Variants in TTC23 observed in about 807,000 individuals in gnomAD.
The protein encoded by TTC23 is tetratricopeptide repeat domain 23, also known as tetratricopeptide repeat protein 23.
Under a neutral mutation model 55.1 loss-of-function variants are expected in TTC23, and 58 were observed. That is an observed-to-expected ratio of 1.05 (90% CI 0.85 to 1.31). The LOEUF (loss-of-function observed/expected upper bound fraction) is 1.31, where lower values mean the gene tolerates loss of function less well. Ranked by LOEUF, TTC23 falls within the 50% of genes most tolerant of loss-of-function variation. TTC23 has a pLI of 0.00. For synonymous variants in TTC23, 203 were observed against 199.9 expected (o/e 1.02, Z -0.13); for missense variants, 516 against 534.4 (o/e 0.97, Z 0.34).
At chr15:99,157,393 G>T (rs559977668) in intron 11 of TTC23, 1 of 151,954 alleles carries the variant, frequency 6.6e-6, no homozygotes, top group East Asian at 1.9e-4. Flanking sequence ...TGTATTTTTA[G>T]TAGAGACAGG....
chr15:99,226,719 C>G (rs74387592), intron 5 of TTC23, among the ~76,000 whole-genome samples: 1 of 152,090 alleles, frequency 6.6e-6, no homozygotes, highest in Non-Finnish European at 1.5e-5. Flanking sequence ...CCTGGAACTC[C>G]TTTCCCTCAG....
chr15:99,240,434 T>C (rs943360982), intron 3 of TTC23, among the ~76,000 whole-genome samples: 2 of 152,228 alleles, frequency 1.3e-5, no homozygotes, highest in South Asian at 2.1e-4. Flanking sequence ...GCCATCATTT[T>C]AAAATTAGGA....
intron 8 of TTC23, among the ~76,000 whole-genome samples, chr15:99,201,471 C>CA (rs1219540756): frequency 1.3e-5 from 2 of 152,050 alleles, no homozygotes; most frequent in Non-Finnish European, 2.9e-5. Flanking sequence ...TAAAAGACTA[C>CA]AAAAAATAGG....
chr15:99,162,384 C>A (rs573168376), intron 10 of TTC23, among the ~76,000 whole-genome samples: 1 of 152,190 alleles, frequency 6.6e-6, no homozygotes, highest in Admixed American at 6.5e-5. Context: ...CTTCAACATA[C>A]TGGTTATAAT....
intron 12 of TTC23, among the ~76,000 whole-genome samples, chr15:99,141,668 C>T (rs1456995421): frequency 6.6e-6 from 1 of 152,130 alleles, no homozygotes; most frequent in Non-Finnish European, 1.5e-5. Context: ...TCTGATCTGC[C>T]AACCATTTTT....
At chr15:99,250,908 A>G (rs1350726841), upstream of TTC23, among the ~76,000 whole-genome samples, 1 of 152,228 alleles carries the variant, frequency 6.6e-6, no homozygotes, top group African/African-American at 2.4e-5. Flanking sequence ...TGGCTTCGTT[A>G]CATAAACCCA....
intron 4 of TTC23, among the ~76,000 whole-genome samples, chr15:99,229,187 CA>C (rs1236121043): frequency 6.6e-6 from 1 of 151,834 alleles, no homozygotes; most frequent in Non-Finnish European, 1.5e-5. Context: ...TAGCTTAGCC[CA>C]AACAGCTCTC....
In TTC23 at chr15:99,225,944, A is replaced by G. The variant is rs556950475; in HGVS notation, c.180+2589T>C. Among the ~76,000 whole-genome samples the G allele has an allele frequency of 8.8e-4, 134 of 152,348 alleles. No individual in the cohort carries two copies. The South Asian group carries it at 0.025, about 29-fold the overall frequency. Reference sequence around the variant, plus strand: ...CACCTCCTGACAGGACGCACTAAGGAGCGCCCCATGTCACACCTGTGGTAG... The same window carrying G: ...CACCTCCTGACAGGACGCACTAAGGGGCGCCCCATGTCACACCTGTGGTAG... On this transcript the variant is annotated intron_variant, in intron 5 of 13. Transcript: ENST00000394132.
chr15:99,220,996 G>A (rs545432715), intron 6 of TTC23, among the ~76,000 whole-genome samples: 2 of 152,348 alleles, frequency 1.3e-5, no homozygotes, highest in African/African-American at 4.8e-5. Context: ...GAAGCCAAAA[G>A]AAAGGTTTAG....
intron 10 of TTC23, among the ~76,000 whole-genome samples, chr15:99,165,439 A>G (rs1203657123): frequency 1.3e-5 from 2 of 152,260 alleles, no homozygotes; most frequent in Admixed American, 6.5e-5. Context: ...TACCAAATCT[A>G]GTCAACCTAA....
At chr15:99,165,741 C>G (rs1408995696) in intron 10 of TTC23, among the ~76,000 whole-genome samples, 1 of 151,808 alleles carries the variant, frequency 6.6e-6, no homozygotes, top group East Asian at 1.9e-4. Flanking sequence ...GCTGCCCATG[C>G]GAGAAAACGT....
rs199866330 is a variant in TTC23 at position 99,156,329 on chromosome 15, C to G, written c.994-32G>C. On this transcript the variant is annotated intron_variant, in intron 11 of 13. Transcript: ENST00000394132. ...AAGGAACAAAAAGCTATCTGGTTAA[C>G]AAGCTCAAAGGCTGATTAGGATCAT... 6.3e-4 allele frequency: 1,017 copies of G among 1,610,826 alleles called. 14 individuals carry two copies. The highest frequency in any genetic ancestry group is 1.7e-4 in the Admixed American group (10 of 59,734).
At chr15:99,209,125 T>C (rs1393174127) in intron 8 of TTC23, among the ~76,000 whole-genome samples, 2 of 152,238 alleles carry the variant, frequency 1.3e-5, no homozygotes, top group Non-Finnish European at 2.9e-5. Context: ...ACTATCTCAT[T>C]GCAGACAAGT....
chr15:99,160,281 T>A (rs2071181546), intron 11 of TTC23: 1 of 151,870 alleles, frequency 6.6e-6, no homozygotes, highest in Admixed American at 6.6e-5. Flanking sequence ...CTACAGACGG[T>A]AAGGGAAATA....
At chr15:99,182,309 G>A (rs955258529) in intron 9 of TTC23, among the ~76,000 whole-genome samples, 6 of 146,852 alleles carry the variant, frequency 4.1e-5, no homozygotes, top group East Asian at 4.1e-4. Context: ...ACCCAGCCAC[G>A]TGCCGCTCTT....
In TTC23 at chr15:99,219,041, T is replaced by C. The variant is rs2077698194; in HGVS notation, c.312A>G (p.Ser104=). The change falls in exon 7 of 14, where the codon TCA becomes TCG. Residue 104 remains serine, a synonymous_variant. Coordinates refer to ENST00000394132, the MANE Select transcript of TTC23 (RefSeq NM_001288615.3). ...AQGYLQLKGL[S]LQAKQHAEKA... is the part of the protein sequence containing the mutation. Reference sequence around the variant, plus strand: ...TTTCTGCATGTTGTTTTGCTTGCAGTGACAGTCCTGTGGACAAAGAAAAAG... The same window carrying C: ...TTTCTGCATGTTGTTTTGCTTGCAGCGACAGTCCTGTGGACAAAGAAAAAG... 6.2e-7 allele frequency: 1 copy of C among 1,614,096 alleles called. No individual in the cohort carries two copies. Among genetic ancestry groups the C allele is most frequent in the Non-Finnish European group, 8.5e-7 (1 of 1,179,984 alleles).
At chr15:99,190,157 G>C (rs1421165702) in intron 9 of TTC23, among the ~76,000 whole-genome samples, 1 of 150,402 alleles carries the variant, frequency 6.6e-6, no homozygotes, top group East Asian at 1.9e-4. Flanking sequence ...TCCAGCCTGG[G>C]TGACAAAGCA....
At chr15:99,173,002 C>A (rs1317491773) in intron 10 of TTC23, among the ~76,000 whole-genome samples, 1 of 152,220 alleles carries the variant, frequency 6.6e-6, no homozygotes, top group African/African-American at 2.4e-5. Context: ...CTAGGTCCCA[C>A]TCAATTCATA....
At chr15:99,220,070 C>A (rs541440165) in intron 6 of TTC23, among the ~76,000 whole-genome samples, 1 of 152,312 alleles carries the variant, frequency 6.6e-6, no homozygotes, top group African/African-American at 2.4e-5. Flanking sequence ...GTATTTTCAA[C>A]TGTGTCGAGT....
Sources: allele counts gnomAD v4.1 joint callset (sites outside exome capture counted in the v4.1 genomes callset), GRCh38; gene constraint gnomAD v4.1.1; transcripts MANE v1.5; gene names NCBI Gene and HGNC (gene_info 2026-07-23, HGNC 2026-07-21).